The following MRE11 variants were observed in gnomAD, a reference collection of about 807,000 sequenced individuals.
MRE11 encodes the protein MRE11 double strand break repair nuclease.
Under a neutral mutation model 91.7 loss-of-function variants are expected in MRE11, and 62 were observed. That is an observed-to-expected ratio of 0.68 (90% CI 0.55 to 0.84). The LOEUF (loss-of-function observed/expected upper bound fraction) is 0.84, where lower values mean the gene tolerates loss of function less well. Among genes scored for constraint, MRE11 ranks in the 40% least tolerant of loss-of-function variants. The pLI is 0.00. For synonymous variants in MRE11, 273 were observed against 271.4 expected (o/e 1.01, Z -0.06); for missense variants, 796 against 852.9 (o/e 0.93, Z 0.83).
At chr11:94,511,183 C>A in the MRE11 span, among the ~76,000 whole-genome samples, 16,851 of 152,042 alleles carry the variant, frequency 0.11, 1,061 homozygotes, top group South Asian at 0.24. Flanking sequence ...CGCTCTCTCT[C>A]TATATATATA....
chr11:94,496,901 AT>A (rs2135161297), upstream of MRE11: 2 of 1,613,876 alleles, frequency 1.2e-6, no homozygotes, highest in East Asian at 4.5e-5. Flanking sequence ...AGAAAAAAAA[AT>A]GGAAAAAGAC....
chr11:94,452,194 C>A (rs1946127807), intron 14 of MRE11, among the ~76,000 whole-genome samples: 1 of 113,912 alleles, frequency 8.8e-6, no homozygotes, highest in Non-Finnish European at 1.8e-5. Context: ...GAGACTTTGC[C>A]TCAAAAAAAA....
At chr11:94,492,960 A>C in intron 1 of MRE11, 54 bp from the exon 2 acceptor site, 1 of 686,916 alleles carries the variant, frequency 1.5e-6, no homozygotes, top group Non-Finnish European at 2.5e-6. Flanking sequence ...GCACGTATTT[A>C]ACCAACATGA....
intron 10 of MRE11, chr11:94,466,430 C>T (rs758586170): frequency 6.3e-5 from 32 of 511,036 alleles, no homozygotes; most frequent in South Asian, 1.1e-4. Context: ...GATAAAGAAA[C>T]GGGAACAGAT....
chr11:94,510,457 T>C, the MRE11 span, among the ~76,000 whole-genome samples: 3 of 152,244 alleles, frequency 2.0e-5, no homozygotes, highest in Admixed American at 6.5e-5. Flanking sequence ...AATTCTGAAA[T>C]ATTTCTTATT....
Position 94,419,921 on chromosome 11 carries a change from G to T in MRE11, c.*204C>A. 2 of 427,076 alleles carry T rather than the reference G, an allele frequency of 4.7e-6. No homozygotes were observed. Among genetic ancestry groups the T allele is most frequent in the Non-Finnish European group, 8.5e-6 (2 of 235,606 alleles). 26.5% of individuals were successfully genotyped at this position (427,076 alleles called of 1,614,324 possible). ...TTTATTTTAATCTTTACTCAAGAGT[G>T]ATATTGAAACAAAGCTCTTACTACA... On this transcript the variant is annotated 3_prime_UTR_variant, in exon 20 of 20. Coordinates refer to ENST00000323929, the MANE Select transcript of MRE11 (RefSeq NM_005591.4).
intron 19 of MRE11, among the ~76,000 whole-genome samples, chr11:94,421,099 A>G (rs1411501166): frequency 6.6e-6 from 1 of 152,182 alleles, no homozygotes; most frequent in Non-Finnish European, 1.5e-5. Flanking sequence ...ATAAATAGGA[A>G]TATCAGATAT....
At chr11:94,452,926 C>T (rs1021152199) in intron 14 of MRE11, among the ~76,000 whole-genome samples, 1 of 152,108 alleles carries the variant, frequency 6.6e-6, no homozygotes, top group African/African-American at 2.4e-5. Flanking sequence ...TCCCCCCATC[C>T]ATCTATAGAA....
chr11:94,496,636 C>T, upstream of MRE11: 2 of 1,430,682 alleles, frequency 1.4e-6, no homozygotes, highest in Non-Finnish European at 9.4e-7. Context: ...TAATTCATCT[C>T]TAGAAAGATT....
the MRE11 span, among the ~76,000 whole-genome samples, chr11:94,509,451 T>A: frequency 6.6e-6 from 1 of 152,174 alleles, no homozygotes; most frequent in Non-Finnish European, 1.5e-5. Context: ...AATTTTCTTT[T>A]TTTTCTTTTT....
At chr11:94,432,757 G>C (rs1945498479) in intron 18 of MRE11, among the ~76,000 whole-genome samples, 1 of 152,224 alleles carries the variant, frequency 6.6e-6, no homozygotes, top group African/African-American at 2.4e-5. Flanking sequence ...AGTGAGCCGA[G>C]ATCGCGCCAC....
intron 4 of MRE11, among the ~76,000 whole-genome samples, chr11:94,481,142 C>T (rs1490320727): frequency 8.6e-5 from 13 of 152,014 alleles, no homozygotes; most frequent in Non-Finnish European, 1.5e-5. Context: ...AACCCTGTCT[C>T]TACTAAAAAC....
intron 14 of MRE11, among the ~76,000 whole-genome samples, chr11:94,452,236 C>A (rs1375690972): frequency 2.0e-5 from 3 of 149,968 alleles, no homozygotes; most frequent in Non-Finnish European, 4.4e-5. Context: ...ATACCCTACT[C>A]GAAAGAGAAA....
At chr11:94,491,613 C>T (rs1947285061) in intron 2 of MRE11, among the ~76,000 whole-genome samples, 1 of 152,200 alleles carries the variant, frequency 6.6e-6, no homozygotes, top group South Asian at 2.1e-4. Flanking sequence ...TCAACCCTCA[C>T]AGATAAAGAG....
intron 7 of MRE11, chr11:94,475,336 TG>T: frequency 7.6e-6 from 2 of 262,068 alleles, no homozygotes; most frequent in South Asian, 9.0e-5. Context: ...GGAGGATATA[TG>T]TAGGTTATAT....
chr11:94,481,253 A>T (rs1947005754), intron 4 of MRE11, among the ~76,000 whole-genome samples: 2 of 152,128 alleles, frequency 1.3e-5, no homozygotes, highest in African/African-American at 4.8e-5. Context: ...AGGTTGCAGT[A>T]AGCCGAGATC....
the MRE11 span, among the ~76,000 whole-genome samples, chr11:94,507,858 C>T: frequency 6.6e-6 from 1 of 151,648 alleles, no homozygotes; most frequent in African/African-American, 2.4e-5. Context: ...TTTAGAAGTT[C>T]TTTATATATT....
chr11:94,497,086 A>G (rs1243427145), upstream of MRE11: 2 of 1,198,834 alleles, frequency 1.7e-6, no homozygotes, highest in Non-Finnish European at 2.4e-6. Context: ...ATGTACATGA[A>G]AGCACATATT....
rs181537618 is a variant in MRE11, at chr11:94,430,655, T to A, written c.1995-669A>T. ...TTTTGTATTTTTAGTAGAGACGGGG[T>A]TTCACCAGGTTGGCCAGGATGGTCT... On this transcript the variant is annotated intron_variant, in intron 18 of 19. Transcript: ENST00000323929. Among the ~76,000 whole-genome samples the A allele has an allele frequency of 2.9e-4, 44 of 151,992 alleles. No homozygotes were observed. In the East Asian group the frequency reaches 8.1e-3, roughly 28 times the overall value.
Sources: gnomAD v4.1 joint callset for allele counts (sites outside exome capture counted in the v4.1 genomes callset) on GRCh38, gnomAD v4.1.1 for gene constraint, MANE v1.5 for transcripts, NCBI Gene and HGNC (gene_info 2026-07-23, HGNC 2026-07-21) for gene names.